Variants in FYN observed in about 807,000 individuals in gnomAD.
FYN encodes tyrosine-protein kinase Fyn.
Under a neutral mutation model 70.2 loss-of-function variants are expected in FYN, and 10 were observed. The ratio of observed to expected loss-of-function variants is 0.14; its 90% CI spans 0.09 to 0.24. FYN has a LOEUF of 0.24. FYN is among the 10% of genes least tolerant of loss of function. The probability of loss-of-function intolerance (pLI) is 1.00; values close to 1 mark genes in which losing one functional copy is unlikely to be tolerated. For missense variants in FYN, 319 were observed against 673.1 expected, an observed-to-expected ratio of 0.47 and a Z score of 5.82; for synonymous variants, 236 against 248.6, an observed-to-expected ratio of 0.95 and a Z score of 0.48.
chr6:111,843,452 C>T (rs1285737814), intron 2 of FYN, among the ~76,000 whole-genome samples: 1 of 152,134 alleles, frequency 6.6e-6, no homozygotes, highest in Non-Finnish European at 1.5e-5. Context: ...GGAACTGTAA[C>T]CCTCAAGAAT....
At chr6:111,791,455 G>A (rs1210018520) in intron 2 of FYN, among the ~76,000 whole-genome samples, 1 of 152,182 alleles carries the variant, frequency 6.6e-6, no homozygotes, top group Non-Finnish European at 1.5e-5. Flanking sequence ...TGGAAATAGG[G>A]TTGTTGCAGA....
intron 2 of FYN, chr6:111,793,676 G>A (rs557957627): frequency 1.3e-5 from 2 of 152,250 alleles, no homozygotes; most frequent in East Asian, 3.9e-4. Flanking sequence ...ACATGGTCAT[G>A]AGGTCCAGAG....
intron 2 of FYN, among the ~76,000 whole-genome samples, chr6:111,832,745 G>C (rs1044067210): frequency 1.3e-5 from 2 of 151,898 alleles, no homozygotes; most frequent in African/African-American, 2.4e-5. Flanking sequence ...AGAATACCAT[G>C]CTGCCTTCTC....
chr6:111,789,943 G>A (rs1010784243), intron 2 of FYN, among the ~76,000 whole-genome samples: 12 of 152,150 alleles, frequency 7.9e-5, no homozygotes, highest in African/African-American at 2.9e-4. Context: ...GTATCACAAT[G>A]CTGCCAAGAT....
chr6:111,819,532 G>C (rs1323546750), intron 2 of FYN, among the ~76,000 whole-genome samples: 2 of 151,898 alleles, frequency 1.3e-5, no homozygotes, highest in Non-Finnish European at 2.9e-5. Flanking sequence ...TTAAAACATA[G>C]TACTTGAACT....
At chr6:111,870,753 G>A (rs995804422) in intron 1 of FYN, among the ~76,000 whole-genome samples, 1 of 152,202 alleles carries the variant, frequency 6.6e-6, no homozygotes, top group Non-Finnish European at 1.5e-5. Flanking sequence ...GGTTAAAAAG[G>A]ACTTCGAGCA....
intron 6 of FYN, among the ~76,000 whole-genome samples, chr6:111,706,072 T>C (rs552973471): frequency 6.6e-6 from 1 of 152,316 alleles, no homozygotes; most frequent in East Asian, 1.9e-4. Flanking sequence ...ATATTATCCC[T>C]GAAGAAACTA....
chr6:111,711,904 AT>A lies in FYN; in HGVS notation c.344+2442del, dbSNP rs561418416. 2.2e-3 allele frequency among the ~76,000 whole-genome samples: 333 copies of A among 152,318 alleles called. 2 individuals carry two copies. The highest frequency in any genetic ancestry group is 0.01 in the Middle Eastern group (3 of 292). ...AAGGGAATTTTAAAATTCCACTGAT[AT>A]GGAATTCCATTGGCAGAAAGGAAGA... On this transcript the variant is annotated intron_variant, in intron 5 of 13. Transcript: ENST00000354650.
intron 2 of FYN, among the ~76,000 whole-genome samples, chr6:111,838,109 T>C (rs1773245824): frequency 6.6e-6 from 1 of 152,130 alleles, no homozygotes; most frequent in Admixed American, 6.5e-5. Flanking sequence ...AGGTGAACAC[T>C]TAACCCTCAT....
intron 2 of FYN, among the ~76,000 whole-genome samples, chr6:111,787,607 G>A (rs1460540925): frequency 6.6e-6 from 1 of 152,250 alleles, no homozygotes; most frequent in Non-Finnish European, 1.5e-5. Flanking sequence ...ACCTTGTACA[G>A]GGCCTGGTAT....
intron 9 of FYN, among the ~76,000 whole-genome samples, chr6:111,698,823 G>A (rs1376133527): frequency 6.6e-5 from 10 of 152,096 alleles, no homozygotes; most frequent in Middle Eastern, 6.8e-3. Flanking sequence ...GGTGGCTCAC[G>A]CCTGTAATCC....
chr6:111,754,007 C>A (rs1802597691), intron 3 of FYN, among the ~76,000 whole-genome samples: 1 of 152,186 alleles, frequency 6.6e-6, no homozygotes, highest in South Asian at 2.1e-4. Flanking sequence ...GTGAAGGACT[C>A]ACCAAACTAG....
intron 2 of FYN, among the ~76,000 whole-genome samples, chr6:111,827,623 G>T (rs1321161283): frequency 1.3e-5 from 2 of 152,082 alleles, no homozygotes; most frequent in South Asian, 4.1e-4. Context: ...GGGGTAAAAA[G>T]AATTATTTTT....
intron 2 of FYN, among the ~76,000 whole-genome samples, chr6:111,823,262 G>A (rs1344576411): frequency 6.6e-6 from 1 of 152,190 alleles, no homozygotes; most frequent in East Asian, 1.9e-4. Context: ...TACAGAGGTG[G>A]TCACTACACA....
intron 2 of FYN, among the ~76,000 whole-genome samples, chr6:111,797,665 CATATATAT>C (rs57984132): frequency 0.051 from 4,633 of 90,320 alleles, 200 homozygotes; most frequent in East Asian, 0.12. Context: ...ATCAAAGTTT[CATATATAT>C]ATATATATAT....
At chr6:111,851,393 A>T (rs1773681861) in intron 1 of FYN, among the ~76,000 whole-genome samples, 1 of 152,206 alleles carries the variant, frequency 6.6e-6, no homozygotes, top group Admixed American at 6.5e-5. Flanking sequence ...CAGTTTTTGT[A>T]TGAACATACA....
intron 8 of FYN, among the ~76,000 whole-genome samples, chr6:111,700,646 C>T (rs1232531942): frequency 1.3e-5 from 2 of 152,170 alleles, no homozygotes; most frequent in South Asian, 2.1e-4. Context: ...TTCAGCTCAA[C>T]GTGCTAATAA....
At chr6:111,851,814 C>T (rs1773693274) in intron 1 of FYN, among the ~76,000 whole-genome samples, 1 of 151,602 alleles carries the variant, frequency 6.6e-6, no homozygotes, top group Non-Finnish European at 1.5e-5. Context: ...CCTGCTCCCT[C>T]CAAAGAAGAC....
At chr6:111,703,582 G>C (rs1255922417) in intron 7 of FYN, among the ~76,000 whole-genome samples, 2 of 152,182 alleles carry the variant, frequency 1.3e-5, no homozygotes, top group East Asian at 3.8e-4. Context: ...GTTGTAAGGA[G>C]TTGTTAAATA....
Sources: allele counts gnomAD v4.1 joint callset (sites outside exome capture counted in the v4.1 genomes callset), GRCh38; gene constraint gnomAD v4.1.1; transcripts MANE v1.5; gene names NCBI Gene and HGNC (gene_info 2026-07-23, HGNC 2026-07-21).